The following KLF8 variants were observed in gnomAD, a reference collection of about 807,000 sequenced individuals.
The protein encoded by KLF8 is Krueppel-like factor 8.
Under a neutral mutation model 18.2 loss-of-function variants are expected in KLF8, and 10 were observed. That is an observed-to-expected ratio of 0.55 (90% CI 0.34 to 0.93). KLF8 has a LOEUF of 0.93. Among genes scored for constraint, KLF8 ranks in the 40% least tolerant of loss-of-function variants. The probability of loss-of-function intolerance (pLI) is 0.02; values close to 1 mark genes in which losing one functional copy is unlikely to be tolerated. For synonymous variants in KLF8, 109 were observed against 97.3 expected, an observed-to-expected ratio of 1.12 and a Z score of -0.71; for missense variants, 264 against 277.9, an observed-to-expected ratio of 0.95 and a Z score of 0.36.
At chrX:55,910,767 T>G in the KLF8 span, among the ~76,000 whole-genome samples, 29 of 112,854 alleles carry the variant, frequency 2.6e-4, no homozygotes, top group African/African-American at 9.0e-4. Flanking sequence ...CAAGATGGAT[T>G]GTATTTTTAT....
At chrX:55,986,988 A>G in the KLF8 span, among the ~76,000 whole-genome samples, 34 of 111,306 alleles carry the variant, frequency 3.1e-4, 1 homozygote, top group East Asian at 9.3e-3. Flanking sequence ...AGTATTCCAT[A>G]TTATATATGT....
At chrX:56,186,139 T>C in the KLF8 span, among the ~76,000 whole-genome samples, 1 of 112,103 alleles carries the variant, frequency 8.9e-6, no homozygotes, top group Non-Finnish European at 1.9e-5. Context: ...CCATCTCATG[T>C]GCAGAGACAC....
At chrX:56,063,345 G>A in the KLF8 span, among the ~76,000 whole-genome samples, 1 of 111,705 alleles carries the variant, frequency 9.0e-6, no homozygotes, top group East Asian at 2.8e-4. Flanking sequence ...TTCAGATGAA[G>A]TTTCTGTGTG....
chrX:56,214,171 T>TG, the KLF8 span, among the ~76,000 whole-genome samples: 2 of 105,954 alleles, frequency 1.9e-5, no homozygotes, highest in Non-Finnish European at 3.9e-5. Context: ...GGGTATAGGA[T>TG]GGGGGGTGAG....
chrX:56,170,334 G>A, the KLF8 span, among the ~76,000 whole-genome samples: 1 of 110,457 alleles, frequency 9.1e-6, no homozygotes, highest in East Asian at 2.8e-4. Context: ...CTCACCAAAT[G>A]AACTAAATAA....
chrX:56,035,650 G>A, the KLF8 span, among the ~76,000 whole-genome samples: 7 of 111,809 alleles, frequency 6.3e-5, no homozygotes, highest in African/African-American at 1.9e-4. Flanking sequence ...TTTTGATAAA[G>A]CCTCCTTAAT....
the KLF8 span, among the ~76,000 whole-genome samples, chrX:56,067,894 G>A: frequency 1.8e-5 from 2 of 112,494 alleles, no homozygotes; most frequent in Non-Finnish European, 3.8e-5. Context: ...CAGTATCTGG[G>A]AGCAGTAAGA....
the KLF8 span, among the ~76,000 whole-genome samples, chrX:56,079,140 C>T: frequency 9.0e-6 from 1 of 111,089 alleles, no homozygotes; most frequent in African/African-American, 3.3e-5. Flanking sequence ...GTCTCTATTT[C>T]CTTCAGTTCT....
At chrX:55,928,693 C>T in the KLF8 span, among the ~76,000 whole-genome samples, 3 of 112,068 alleles carry the variant, frequency 2.7e-5, no homozygotes, top group Non-Finnish European at 5.6e-5. Context: ...CTGCAAAGAA[C>T]ATGAACTCAT....
At chrX:55,972,950 A>G in the KLF8 span, among the ~76,000 whole-genome samples, 1 of 112,288 alleles carries the variant, frequency 8.9e-6, no homozygotes, top group East Asian at 2.8e-4. Flanking sequence ...GCATCACACT[A>G]CTTGACTTCC....
At chrX:56,179,852 G>C in the KLF8 span, among the ~76,000 whole-genome samples, 7 of 111,819 alleles carry the variant, frequency 6.3e-5, no homozygotes, top group Admixed American at 6.7e-4. Context: ...AACTTGACAT[G>C]GTGGATAAGC....
the KLF8 span, among the ~76,000 whole-genome samples, chrX:56,185,657 C>T: frequency 1.5e-4 from 17 of 112,161 alleles, no homozygotes; most frequent in African/African-American, 5.2e-4. Context: ...GGAAGCCCAT[C>T]AGACTAATAG....
the KLF8 span, among the ~76,000 whole-genome samples, chrX:55,928,363 T>G: frequency 9.0e-6 from 1 of 111,509 alleles, no homozygotes; most frequent in South Asian, 3.8e-4. Flanking sequence ...TCCCTTTTCT[T>G]TTTTTTTCTT....
the KLF8 span, among the ~76,000 whole-genome samples, chrX:56,187,679 T>C: frequency 9.0e-6 from 1 of 110,563 alleles, no homozygotes; most frequent in Non-Finnish European, 1.9e-5. Flanking sequence ...TCCACCATGA[T>C]CAAGTGGGCT....
chrX:56,223,367 A>T, the KLF8 span, among the ~76,000 whole-genome samples: 1 of 112,087 alleles, frequency 8.9e-6, no homozygotes, highest in African/African-American at 3.2e-5. Flanking sequence ...TCAGCCTCAA[A>T]CTCTTACTCC....
the KLF8 span, among the ~76,000 whole-genome samples, chrX:56,028,781 T>A: frequency 9.0e-6 from 1 of 111,167 alleles, no homozygotes; most frequent in Admixed American, 9.6e-5. Flanking sequence ...GGAGCTAGTC[T>A]AATGCTAAAG....
the KLF8 span, among the ~76,000 whole-genome samples, chrX:56,157,576 G>T: frequency 5.4e-5 from 6 of 110,187 alleles, no homozygotes; most frequent in African/African-American, 2.0e-4. Context: ...TTTAACGATC[G>T]TCATTGTAAC....
At chrX:56,222,464 T>C in the KLF8 span, among the ~76,000 whole-genome samples, 7 of 112,708 alleles carry the variant, frequency 6.2e-5, no homozygotes, top group East Asian at 5.6e-4. Context: ...AGAGTGCTGA[T>C]TGGTGCATTT....
the KLF8 span, among the ~76,000 whole-genome samples, chrX:55,959,785 G>A: frequency 9.0e-6 from 1 of 111,491 alleles, no homozygotes; most frequent in Non-Finnish European, 1.9e-5. Context: ...TGAAAGAGAT[G>A]AAGACAGAGC....
Sources: gnomAD v4.1 joint callset for allele counts (sites outside exome capture counted in the v4.1 genomes callset) on GRCh38, gnomAD v4.1.1 for gene constraint, MANE v1.5 for transcripts, NCBI Gene and HGNC (gene_info 2026-07-23, HGNC 2026-07-21) for gene names.